INO80D: variants seen among roughly 807,000 people sequenced by gnomAD.
INO80D encodes the protein INO80 complex subunit D.
Under a neutral mutation model 87.6 loss-of-function variants are expected in INO80D, and 21 were observed. The ratio of observed to expected loss-of-function variants is 0.24; its 90% CI spans 0.17 to 0.35. The LOEUF is 0.35. INO80D is among the 10% of genes least tolerant of loss of function. The pLI is 1.00. For missense variants in INO80D, 982 were observed against 1,280.7 expected (o/e 0.77, Z 3.56); for synonymous variants, 440 against 491.0 (o/e 0.90, Z 1.37).
chr2:206,042,139 A>G (rs1453392465), intron 5 of INO80D, among the ~76,000 whole-genome samples: 4 of 152,182 alleles, frequency 2.6e-5, no homozygotes, highest in Admixed American at 2.0e-4. Context: ...CTCAAAAAAA[A>G]GTATTTTTAA....
At chr2:206,025,479 G>A (rs1037752001) in intron 6 of INO80D, 2 of 137,460 alleles carry the variant, frequency 1.5e-5, no homozygotes, top group African/African-American at 5.4e-5. Flanking sequence ...AGTGAGCCGA[G>A]ATCGCACCAT....
Position 206,062,745 on chromosome 2 carries a change from A to C in INO80D, c.218+54T>G, listed in dbSNP as rs1005914578. 2.1e-6 allele frequency: 3 copies of C among 1,454,100 alleles called. No individual in the cohort carries two copies. In the African/African-American group the frequency reaches 4.3e-5, roughly 21 times the overall value. 90.1% of individuals were successfully genotyped at this position (1,454,100 alleles called of 1,614,324 possible). ...AGAGAAGAAAAAACAAGAAAAGAAA[A>C]AATTCCAAGCCTGTTAATGAAATCA... On this transcript the variant is annotated intron_variant, in intron 3 of 10. Coordinates refer to ENST00000403263, the MANE Select transcript of INO80D (RefSeq NM_017759.5). This position sits in a 1 kb window ranked among gnomAD's most constrained non-coding sequence, Gnocchi z 4.6.
At chr2:206,014,521 C>T (rs752218018) in intron 8 of INO80D, among the ~76,000 whole-genome samples, 5 of 152,142 alleles carry the variant, frequency 3.3e-5, no homozygotes, top group African/African-American at 7.2e-5. Context: ...TTGCCCTGCA[C>T]GAGCTCTTTT....
At position 206,028,185 on chromosome 2, in the gene INO80D, C is replaced by T. The variant is rs1199654676; in HGVS notation, c.1224G>A (p.Gln408=). Residue 408 remains glutamine (Q), a synonymous_variant, in exon 6 of 11, where the codon CAG becomes CAA. Transcript: ENST00000403263. ...CRHTFRKALL[Q]AASKEPECTG... ...TGCATTCTGGTTCTTTACTGGCCGC[C>T]TGCAGCAAAGCTTTCCTAAACGTAT... 1.9e-6 allele frequency: 3 copies of T among 1,602,652 alleles called. No homozygotes were observed. The highest frequency in any genetic ancestry group is 2.7e-5 in the African/African-American group (2 of 74,760).
chr2:206,059,510 T>G (rs1171696355), intron 3 of INO80D, among the ~76,000 whole-genome samples: 1 of 152,204 alleles, frequency 6.6e-6, no homozygotes, highest in Non-Finnish European at 1.5e-5. Flanking sequence ...TTCACTGGGC[T>G]TCATCATATA....
chr2:206,011,305 T>C (rs1688168647), intron 8 of INO80D, among the ~76,000 whole-genome samples: 1 of 152,168 alleles, frequency 6.6e-6, no homozygotes, highest in African/African-American at 2.4e-5. Context: ...ATAAGTCCTA[T>C]CTGTAAGGCT....
chr2:206,025,733 AT>A (rs924019968), intron 6 of INO80D: 18 of 151,552 alleles, frequency 1.2e-4, no homozygotes, highest in Non-Finnish European at 4.4e-5. Context: ...GAAATAATAA[AT>A]AATAAACTCA....
chr2:206,053,052 A>G (rs1575854228), intron 4 of INO80D, among the ~76,000 whole-genome samples: 1 of 152,228 alleles, frequency 6.6e-6, no homozygotes, highest in Admixed American at 6.5e-5. Flanking sequence ...ATTTTCACAC[A>G]CTGCTTAAAG....
At chr2:206,047,710 C>T (rs1689235215) in intron 4 of INO80D, among the ~76,000 whole-genome samples, 1 of 151,760 alleles carries the variant, frequency 6.6e-6, no homozygotes, top group African/African-American at 2.4e-5. Context: ...TACATTTCAA[C>T]AACGAAGGGC....
intron 4 of INO80D, among the ~76,000 whole-genome samples, chr2:206,052,941 C>T (rs1290057528): frequency 1.3e-5 from 2 of 151,972 alleles, no homozygotes; most frequent in African/African-American, 4.8e-5. Flanking sequence ...AAACACTAAT[C>T]TAAGATATGT....
At chr2:206,065,142 A>G (rs1575873609) in intron 1 of INO80D, among the ~76,000 whole-genome samples, 1 of 152,338 alleles carries the variant, frequency 6.6e-6, no homozygotes, top group African/African-American at 2.4e-5. Flanking sequence ...AACACAGGGG[A>G]CACTGATGTG....
In INO80D at chr2:205,997,558, T is replaced by G. The variant is rs1402751579; in HGVS notation, c.*6810A>C. 6.6e-6 allele frequency: 1 copy of G among 152,076 alleles called. No individual in the cohort carries two copies. The highest frequency in any genetic ancestry group is 1.5e-5 in the Non-Finnish European group (1 of 67,954). The allele number at this position is 152,076 out of a possible 1,614,324, so 9.4% of individuals were successfully genotyped here. A position where few individuals can be genotyped will look rare whatever the true frequency, so the allele number is the denominator to read the frequency against. On this transcript the variant is annotated 3_prime_UTR_variant, in exon 11 of 11. Coordinates refer to ENST00000403263, the MANE Select transcript of INO80D (RefSeq NM_017759.5). ...AATCTATAATTAACATAAAAAAGAT[T>G]CAATAGATCTGTGGTCCCATCACCA... is the stretch of plus-strand genomic sequence containing the variant.
chr2:205,994,506 T>C lies in INO80D; in HGVS notation c.*9862A>G, dbSNP rs912370942. 1.3e-5 allele frequency: 2 copies of C among 152,194 alleles called. No homozygotes were observed. Among genetic ancestry groups the C allele is most frequent in the Non-Finnish European group, 2.9e-5 (2 of 68,030 alleles). The allele number at this position is 152,194 out of a possible 1,614,324, so 9.4% of individuals were successfully genotyped here. ...TTGGTTTCAACTTACACTTCAGTAC[T>C]CTAGTTGTTAGTACCATACAATTGC... On this transcript the variant is annotated 3_prime_UTR_variant, in exon 11 of 11. Transcript: ENST00000403263.
chr2:206,061,805 A>G (rs1048087103), intron 3 of INO80D, among the ~76,000 whole-genome samples: 6 of 152,240 alleles, frequency 3.9e-5, no homozygotes, highest in African/African-American at 1.2e-4. Context: ...AATTTATGCA[A>G]GTGACATTTG....
intron 10 of INO80D, 71 bp from the exon 11 acceptor site, chr2:206,005,604 G>T: frequency 8.4e-7 from 1 of 1,186,736 alleles, no homozygotes; most frequent in South Asian, 1.5e-5. Flanking sequence ...TCACACATTT[G>T]AATTATTTTA....
chr2:206,064,099 A>G (rs1294572519), intron 1 of INO80D, among the ~76,000 whole-genome samples: 2 of 152,174 alleles, frequency 1.3e-5, no homozygotes, highest in South Asian at 2.1e-4. Context: ...AGGCCCAAAG[A>G]CTAGTCAGCT....
intron 4 of INO80D, among the ~76,000 whole-genome samples, chr2:206,047,447 G>A (rs983230448): frequency 7.3e-5 from 11 of 150,722 alleles, no homozygotes; most frequent in Non-Finnish European, 1.2e-4. Flanking sequence ...TCAATCTCCT[G>A]ACCTTAAGTG....
intron 1 of INO80D, among the ~76,000 whole-genome samples, chr2:206,067,010 G>A (rs752880183): frequency 6.6e-6 from 1 of 152,112 alleles, no homozygotes; most frequent in Non-Finnish European, 1.5e-5. Flanking sequence ...CACTTTGGGA[G>A]GCCAAGGCAG....
intron 5 of INO80D, among the ~76,000 whole-genome samples, chr2:206,034,192 CT>C (rs1180600145): frequency 6.6e-6 from 1 of 152,096 alleles, no homozygotes; most frequent in Non-Finnish European, 1.5e-5. Flanking sequence ...GATACCAATC[CT>C]TTTGACACTA....
Sources: gnomAD v4.1 joint callset for allele counts (sites outside exome capture counted in the v4.1 genomes callset) on GRCh38, gnomAD v4.1.1 for gene constraint, Gnocchi (gnomAD v3.1) non-coding constraint, MANE v1.5 for transcripts, NCBI Gene and HGNC (gene_info 2026-07-23, HGNC 2026-07-21) for gene names.